BCORL1: variants seen among roughly 807,000 people sequenced by gnomAD.
The protein encoded by BCORL1 is BCL6 corepressor like 1.
Under a neutral mutation model 87.6 loss-of-function variants are expected in BCORL1, and 7 were observed. The ratio of observed to expected loss-of-function variants is 0.08; its 90% CI spans 0.05 to 0.15. The LOEUF (loss-of-function observed/expected upper bound fraction) is 0.15, where lower values mean the gene tolerates loss of function less well. BCORL1 is among the 10% of genes least tolerant of loss of function. The pLI is 1.00. For synonymous variants in BCORL1, 591 were observed against 634.4 expected, an observed-to-expected ratio of 0.93 and a Z score of 1.03; for missense variants, 1,215 against 1,499.7, an observed-to-expected ratio of 0.81 and a Z score of 3.13.
At chrX:130,027,561 A>C (rs1025460731) in intron 7 of BCORL1, among the ~76,000 whole-genome samples, 1 of 112,730 alleles carries the variant, frequency 8.9e-6, no homozygotes, top group Non-Finnish European at 1.9e-5. Flanking sequence ...CCTTCATTTC[A>C]CTAATTGCTA....
intron 8 of BCORL1, among the ~76,000 whole-genome samples, chrX:130,029,912 C>T (rs1191461273): frequency 9.0e-6 from 1 of 111,251 alleles, no homozygotes; most frequent in Non-Finnish European, 1.9e-5. Flanking sequence ...GCCTTGGCCT[C>T]CCAAAGTGCT....
rs1217479430 is a variant in BCORL1, at chrX:130,056,531, GC to G, written c.*401del. 6.9e-6 allele frequency: 1 copy of G among 144,479 alleles called. No homozygotes were observed. The highest frequency in any genetic ancestry group is 1.4e-5 in the Non-Finnish European group (1 of 73,923). 11.9% of individuals were successfully genotyped at this position (144,479 alleles called of 1,213,427 possible). ...ATGAGAAAATCCCAGATCTCTGAGC[GC>G]CCCCCAACTCCATTCCCCTGTGTTC... On this transcript the variant is annotated 3_prime_UTR_variant, in exon 14 of 14. Transcript: ENST00000540052.
chrX:129,997,794 C>CA (rs1229437098), intron 1 of BCORL1, among the ~76,000 whole-genome samples: 2,226 of 28,326 alleles, frequency 0.079, 90 homozygotes, highest in Admixed American at 0.17. Context: ...TCCGACTCAC[C>CA]AAAAAAAAAA....
At chrX:130,046,715 T>G (rs1024407909) in intron 11 of BCORL1, among the ~76,000 whole-genome samples, 5 of 110,865 alleles carry the variant, frequency 4.5e-5, no homozygotes, top group African/African-American at 1.6e-4. Context: ...CCCGGCTAAT[T>G]TTTTGTATTT....
At chrX:130,041,483 G>A (rs986700641) in intron 11 of BCORL1, among the ~76,000 whole-genome samples, 2 of 111,216 alleles carry the variant, frequency 1.8e-5, no homozygotes, top group Non-Finnish European at 3.8e-5. Context: ...ACAGGCATTC[G>A]CCACTATGCC....
At chrX:130,022,236 C>CTTTTTTTTTT (rs34598574) in intron 5 of BCORL1, among the ~76,000 whole-genome samples, 27 of 56,337 alleles carry the variant, frequency 4.8e-4, no homozygotes, top group Admixed American at 1.6e-3. Flanking sequence ...TTCTTTCTTT[C>CTTTTTTTTTT]TTTTTTTTTT....
At chrX:129,991,651 C>CTTTT (rs112594609) in intron 1 of BCORL1, among the ~76,000 whole-genome samples, 13 of 47,532 alleles carry the variant, frequency 2.7e-4, no homozygotes, top group African/African-American at 6.8e-4. Flanking sequence ...AGAAAATATT[C>CTTTT]TTTTTTTTTT....
At chrX:130,011,358 C>G (rs1324000280) in intron 2 of BCORL1, among the ~76,000 whole-genome samples, 2 of 110,741 alleles carry the variant, frequency 1.8e-5, no homozygotes, top group African/African-American at 6.6e-5. Flanking sequence ...CTGCCTCAGC[C>G]TCCCAAGTAG....
rs1932026543 is a variant in BCORL1 at position 130,050,751 on chromosome X, T to G, written c.4875T>G (p.Gly1625=). The change falls in exon 12 of 14, where the codon GGT becomes GGG. Residue 1625 remains glycine (G), a synonymous_variant. Transcript: ENST00000540052. ...CGGATCTTCAGGGCCGGGCAGAGGG[T>G]GATCCCGGTGTATCCTGGGATTTTT... ...HLSDLQGRAE[G]DPGVSWDFYS... is the part of the protein sequence containing the mutation. 8.3e-7 allele frequency: 1 copy of G among 1,211,404 alleles called. No homozygotes were observed. The highest frequency in any genetic ancestry group is 3.0e-5 in the East Asian group (1 of 33,833).
intron 11 of BCORL1, among the ~76,000 whole-genome samples, chrX:130,047,220 C>A (rs1164948776): frequency 9.0e-6 from 1 of 111,254 alleles, no homozygotes; most frequent in Non-Finnish European, 1.9e-5. Flanking sequence ...GTTTGAGTAT[C>A]CATTTTCGTT....
intron 8 of BCORL1, among the ~76,000 whole-genome samples, chrX:130,032,963 A>G (rs747547709): frequency 2.2e-4 from 24 of 108,941 alleles, no homozygotes; most frequent in Non-Finnish European, 4.4e-4. Flanking sequence ...GGGTTTCACC[A>G]TATTGGCCAG....
In BCORL1 at chrX:130,025,396, G is replaced by A. The variant is rs754428107; in HGVS notation, c.4078+17G>A. The A allele has an allele frequency of 4.4e-6, 5 of 1,132,438 alleles. No individual in the cohort carries two copies. The Admixed American group carries it at 9.1e-5, about 21-fold the overall frequency. The allele number at this position is 1,132,438 out of a possible 1,213,427, so 93.3% of individuals were successfully genotyped here. A position where few individuals can be genotyped will look rare whatever the true frequency, so the allele number is the denominator to read the frequency against. On this transcript the variant is annotated intron_variant, in intron 7 of 13. Transcript: ENST00000540052. ...GGAGAGCAGGTAAGGCTGGCCAGGGGCTCTGCTGTCGCCGCGGCCCGTTTG... is the reference window on the plus strand; with the variant it reads ...GGAGAGCAGGTAAGGCTGGCCAGGGACTCTGCTGTCGCCGCGGCCCGTTTG...
intron 11 of BCORL1, among the ~76,000 whole-genome samples, chrX:130,041,943 T>C (rs1226440460): frequency 1.8e-5 from 2 of 111,766 alleles, no homozygotes; most frequent in Non-Finnish European, 1.9e-5. Flanking sequence ...AAGACTTTTC[T>C]TAACTCTAGT....
chrX:129,982,127 AAGAG>A (rs1186772709), upstream of BCORL1, among the ~76,000 whole-genome samples: 7 of 109,309 alleles, frequency 6.4e-5, no homozygotes, highest in Non-Finnish European at 1.3e-4. Flanking sequence ...CGTTGGAAGA[AAGAG>A]AGAGAACCCT....
chrX:130,001,684 T>G (rs781405980), intron 1 of BCORL1, among the ~76,000 whole-genome samples: 21 of 108,692 alleles, frequency 1.9e-4, no homozygotes, highest in Admixed American at 1.4e-3. Flanking sequence ...GATGGTGTGT[T>G]TAGGAAGGGT....
chrX:130,038,752 G>T lies in BCORL1; in HGVS notation c.4695-385G>T, dbSNP rs747101017. Among the ~76,000 whole-genome samples the T allele has an allele frequency of 4.5e-5, 5 of 111,698 alleles. No individual in the cohort carries two copies. In the Admixed American group the frequency reaches 4.8e-4, roughly 11 times the overall value. ...CTGCTTCGGCCTCCCAAAGTGCTGG[G>T]ATTACAGGCGTGAGCCACCGCGCCC... On this transcript the variant is annotated intron_variant, in intron 10 of 13. Coordinates refer to ENST00000540052, the MANE Select transcript of BCORL1 (RefSeq NM_001379451.1).
At chrX:130,031,851 A>G (rs942636116) in intron 8 of BCORL1, among the ~76,000 whole-genome samples, 58 of 112,029 alleles carry the variant, frequency 5.2e-4, no homozygotes, top group African/African-American at 1.8e-3. Flanking sequence ...GCTGTAAGGA[A>G]CAGAAAAATG....
At chrX:130,029,898 G>A (rs1357715607) in intron 8 of BCORL1, among the ~76,000 whole-genome samples, 3 of 110,950 alleles carry the variant, frequency 2.7e-5, no homozygotes, top group Non-Finnish European at 3.8e-5. Context: ...CAAGTGATCC[G>A]CCCGCCTTGG....
chrX:130,025,109 A>G lies in BCORL1; in HGVS notation c.3808A>G (p.Lys1270Glu). The change falls in exon 7 of 14, where the codon AAG (lysine) becomes GAG (glutamate). Residue 1270 changes from lysine to glutamate, a missense_variant. Physicochemically the swap from Lys to Glu is moderately conservative, Grantham distance 56. Coordinates refer to ENST00000540052, the MANE Select transcript of BCORL1 (RefSeq NM_001379451.1). Reference protein sequence around the residue: ...PTPAKRRKVRKTQRDTQYRSH... With the variant: ...PTPAKRRKVRETQRDTQYRSH... ...CCCAGCTAAGCGTCGAAAGGTGAGA[A>G]AGACCCAACGGGACACCCAGTATCG... The G allele has an allele frequency of 8.3e-7, 1 of 1,211,947 alleles. No individual in the cohort carries two copies. Among genetic ancestry groups the G allele is most frequent in the Non-Finnish European group, 1.1e-6 (1 of 895,550 alleles).
Sources: allele counts gnomAD v4.1 joint callset (sites outside exome capture counted in the v4.1 genomes callset), GRCh38; gene constraint gnomAD v4.1.1; transcripts MANE v1.5; gene names NCBI Gene and HGNC (gene_info 2026-07-23, HGNC 2026-07-21).